Variants in PPARGC1A observed in about 807,000 individuals in gnomAD.
PPARGC1A encodes peroxisome proliferator-activated receptor gamma coactivator 1-alpha.
Under a neutral mutation model 88.7 loss-of-function variants are expected in PPARGC1A, and 25 were observed. The ratio of observed to expected loss-of-function variants is 0.28; its 90% CI spans 0.21 to 0.39. The LOEUF (loss-of-function observed/expected upper bound fraction) is 0.39, where lower values mean the gene tolerates loss of function less well. Ranked by LOEUF, PPARGC1A falls within the 10% of genes least tolerant of loss-of-function variation. The pLI, the probability that PPARGC1A is intolerant of heterozygous loss-of-function variation, is 1.00. For missense variants in PPARGC1A, 880 were observed against 968.7 expected (o/e 0.91, Z 1.22); for synonymous variants, 363 against 355.6 (o/e 1.02, Z -0.24).
chr4:24,319,971 T>C, the PPARGC1A span, among the ~76,000 whole-genome samples: 1 of 152,206 alleles, frequency 6.6e-6, no homozygotes, highest in Non-Finnish European at 1.5e-5. Flanking sequence ...AGAGTCATAC[T>C]AGACACAGGT....
the PPARGC1A span, among the ~76,000 whole-genome samples, chr4:24,206,478 T>G: frequency 6.6e-6 from 1 of 152,174 alleles, no homozygotes; most frequent in Non-Finnish European, 1.5e-5. Flanking sequence ...CGCAGTATTG[T>G]CTCAACTGTC....
the PPARGC1A span, among the ~76,000 whole-genome samples, chr4:24,240,550 G>A: frequency 2.0e-5 from 3 of 152,098 alleles, no homozygotes; most frequent in Non-Finnish European, 4.4e-5. Flanking sequence ...AAAAATTCAC[G>A]CTGTTAATTA....
At chr4:24,121,356 CA>C in the PPARGC1A span, among the ~76,000 whole-genome samples, 38 of 152,172 alleles carry the variant, frequency 2.5e-4, no homozygotes, top group African/African-American at 9.2e-4. Context: ...AACATGATCA[CA>C]GGTCTCAGGG....
the PPARGC1A span, among the ~76,000 whole-genome samples, chr4:24,013,769 T>C: frequency 6.6e-6 from 1 of 152,222 alleles, no homozygotes; most frequent in African/African-American, 2.4e-5. Context: ...GTCCCATGCC[T>C]GGACGTTTAG....
At chr4:24,334,636 TTTTG>T in the PPARGC1A span, among the ~76,000 whole-genome samples, 1 of 152,206 alleles carries the variant, frequency 6.6e-6, no homozygotes, top group African/African-American at 2.4e-5. Flanking sequence ...CGAGGTTTTG[TTTTG>T]TTTGTTAATT....
At chr4:23,906,129 C>G (rs1719999622), upstream of PPARGC1A, among the ~76,000 whole-genome samples, 1 of 152,200 alleles carries the variant, frequency 6.6e-6, no homozygotes, top group Non-Finnish European at 1.5e-5. Context: ...CTGTTCTTTG[C>G]AGATCAACCC....
At chr4:24,413,143 T>C in the PPARGC1A span, among the ~76,000 whole-genome samples, 3 of 152,080 alleles carry the variant, frequency 2.0e-5, no homozygotes, top group Admixed American at 1.3e-4. Context: ...ATAGGAAGTA[T>C]TGAATTTTGA....
the PPARGC1A span, among the ~76,000 whole-genome samples, chr4:24,365,503 ATTTAT>A: frequency 1.7e-3 from 252 of 152,266 alleles, no homozygotes; most frequent in African/African-American, 5.9e-3. Context: ...CTGCCCCTGT[ATTTAT>A]TTTATTTCAC....
At chr4:24,186,942 G>A in the PPARGC1A span, among the ~76,000 whole-genome samples, 83 of 152,266 alleles carry the variant, frequency 5.5e-4, no homozygotes, top group South Asian at 4.6e-3. Context: ...ATCTATTTGC[G>A]GAAAAGCTTA....
At chr4:24,193,029 A>C in the PPARGC1A span, among the ~76,000 whole-genome samples, 4 of 152,352 alleles carry the variant, frequency 2.6e-5, no homozygotes, top group South Asian at 8.3e-4. Context: ...AAGAGGAGAT[A>C]TCTAGATCAA....
At chr4:24,285,058 A>C in the PPARGC1A span, among the ~76,000 whole-genome samples, 1 of 151,572 alleles carries the variant, frequency 6.6e-6, no homozygotes, top group Non-Finnish European at 1.5e-5. Flanking sequence ...AGAAGTTAAA[A>C]AAAATCATGC....
At chr4:24,426,673 A>G in the PPARGC1A span, among the ~76,000 whole-genome samples, 2 of 152,232 alleles carry the variant, frequency 1.3e-5, no homozygotes, top group Non-Finnish European at 2.9e-5. Flanking sequence ...CTCATTGCAG[A>G]TGTGTAGCTT....
the PPARGC1A span, among the ~76,000 whole-genome samples, chr4:23,938,034 G>C: frequency 1.3e-5 from 2 of 152,032 alleles, no homozygotes; most frequent in African/African-American, 4.8e-5. Flanking sequence ...ATCTAATGCT[G>C]TTGTGGCAGA....
At chr4:23,826,418 T>C (rs1247481356) in intron 5 of PPARGC1A, among the ~76,000 whole-genome samples, 4 of 151,968 alleles carry the variant, frequency 2.6e-5, no homozygotes, top group South Asian at 2.1e-4. Flanking sequence ...CATGAATAAA[T>C]GAACAAATAA....
chr4:24,095,864 A>C, the PPARGC1A span, among the ~76,000 whole-genome samples: 2 of 152,132 alleles, frequency 1.3e-5, no homozygotes, highest in Non-Finnish European at 2.9e-5. Context: ...TCTATGAGGG[A>C]CTTAATCACA....
the PPARGC1A span, among the ~76,000 whole-genome samples, chr4:24,157,357 G>A: frequency 9.9e-5 from 15 of 152,110 alleles, no homozygotes; most frequent in Non-Finnish European, 2.1e-4. Flanking sequence ...AATAGTGTCA[G>A]CCTCTGGGGG....
rs60981461 is a variant in PPARGC1A at position 23,796,140 on chromosome 4, T to C, written c.2294-215A>G. 9.2e-3 allele frequency among the ~76,000 whole-genome samples: 1,397 copies of C among 152,218 alleles called. 24 individuals carry two copies. The highest frequency in any genetic ancestry group is 0.032 in the African/African-American group (1,348 of 41,518). ...CACGCACCTGTTGACTCGTTTAGGC[T>C]TAAACACCCTGGGAGTTAGGCAGAG... On this transcript the variant is annotated intron_variant, in intron 12 of 12. Transcript: ENST00000264867.
At chr4:24,067,626 G>A in the PPARGC1A span, among the ~76,000 whole-genome samples, 11 of 152,292 alleles carry the variant, frequency 7.2e-5, no homozygotes, top group Middle Eastern at 3.4e-3. Flanking sequence ...TTAGCTAGAG[G>A]GAAAGCCTAG....
the PPARGC1A span, among the ~76,000 whole-genome samples, chr4:24,190,122 G>C: frequency 6.6e-6 from 1 of 152,156 alleles, no homozygotes; most frequent in Non-Finnish European, 1.5e-5. Context: ...TCAGTAATCG[G>C]CTTCTTTGCT....
Sources: gnomAD v4.1 joint callset for allele counts (sites outside exome capture counted in the v4.1 genomes callset) on GRCh38, gnomAD v4.1.1 for gene constraint, MANE v1.5 for transcripts, NCBI Gene and HGNC (gene_info 2026-07-23, HGNC 2026-07-21) for gene names.